RUNDC3B: variants seen among roughly 807,000 people sequenced by gnomAD.
The protein encoded by RUNDC3B is RUN domain-containing protein 3B.
In RUNDC3B, 33 loss-of-function variants were observed where a neutral mutation model predicts 58.4. The observed-to-expected ratio is 0.56, with a 90% CI of 0.43 to 0.75. The LOEUF is 0.75. Ranked by LOEUF, RUNDC3B falls within the 30% of genes least tolerant of loss-of-function variation. The probability of loss-of-function intolerance (pLI) is 0.00; values close to 1 mark genes in which losing one functional copy is unlikely to be tolerated. For synonymous variants in RUNDC3B, 193 were observed against 195.2 expected (o/e 0.99, Z 0.10); for missense variants, 501 against 535.7 (o/e 0.94, Z 0.64).
intron 10 of RUNDC3B, among the ~76,000 whole-genome samples, chr7:87,822,202 A>C (rs969282750): frequency 1.1e-4 from 16 of 152,222 alleles, no homozygotes; most frequent in African/African-American, 3.9e-4. Flanking sequence ...CAAGAAAAAA[A>C]CAACCCCATC....
chr7:87,692,263 C>A (rs979176445), intron 2 of RUNDC3B, among the ~76,000 whole-genome samples: 1 of 152,040 alleles, frequency 6.6e-6, no homozygotes, highest in African/African-American at 2.4e-5. Flanking sequence ...CCAGCCTGAG[C>A]AACATAGCAA....
chr7:87,820,248 T>G (rs1055493759), intron 10 of RUNDC3B, among the ~76,000 whole-genome samples: 4 of 152,152 alleles, frequency 2.6e-5, no homozygotes, highest in Non-Finnish European at 4.4e-5. Flanking sequence ...CATCAGAGAA[T>G]ACTACAAACA....
chr7:87,816,286 A>C (rs759016618), intron 10 of RUNDC3B, 24 bp downstream of exon 10: 2 of 1,591,460 alleles, frequency 1.3e-6, no homozygotes, highest in East Asian at 2.2e-5. Context: ...GAACTATTTG[A>C]AAATTACTCT....
intron 8 of RUNDC3B, among the ~76,000 whole-genome samples, chr7:87,800,249 C>T (rs1026185095): frequency 6.6e-6 from 1 of 152,108 alleles, no homozygotes; most frequent in Non-Finnish European, 1.5e-5. Context: ...GAGAGGATAA[C>T]CTTCAAGCCT....
intron 8 of RUNDC3B, among the ~76,000 whole-genome samples, chr7:87,780,399 A>G (rs894230685): frequency 6.6e-6 from 1 of 152,004 alleles, no homozygotes; most frequent in East Asian, 1.9e-4. Context: ...GGTTGCTTGT[A>G]TGTCTTCTTT....
intron 4 of RUNDC3B, among the ~76,000 whole-genome samples, chr7:87,726,082 G>C (rs1831213087): frequency 0.011 from 2 of 178 alleles, no homozygotes; most frequent in Non-Finnish European, 0.021. Flanking sequence ...CTGTGCAGAA[G>C]CTCTTTAGTT....
intron 10 of RUNDC3B, among the ~76,000 whole-genome samples, chr7:87,828,525 C>A (rs143349419): frequency 6.6e-6 from 1 of 152,298 alleles, no homozygotes; most frequent in African/African-American, 2.4e-5. Flanking sequence ...CCTCTAGTTT[C>A]ATCCATGTTG....
chr7:87,699,226 G>GA (rs1336302532), intron 2 of RUNDC3B, among the ~76,000 whole-genome samples: 3 of 151,868 alleles, frequency 2.0e-5, no homozygotes, highest in Non-Finnish European at 4.4e-5. Flanking sequence ...AAATCATGAT[G>GA]AAAAAAGCAC....
At chr7:87,670,911 G>T (rs978600851) in intron 2 of RUNDC3B, among the ~76,000 whole-genome samples, 1 of 152,182 alleles carries the variant, frequency 6.6e-6, no homozygotes, top group African/African-American at 2.4e-5. Flanking sequence ...CCCCTTGAAT[G>T]CTGGCTGTAG....
chr7:87,793,412 T>G (rs571970052), intron 8 of RUNDC3B, among the ~76,000 whole-genome samples: 1 of 152,256 alleles, frequency 6.6e-6, no homozygotes, highest in African/African-American at 2.4e-5. Context: ...AGAACATTGA[T>G]GCAGAAATCC....
At chr7:87,630,340 T>C (rs1821090162) in intron 1 of RUNDC3B, among the ~76,000 whole-genome samples, 1 of 152,258 alleles carries the variant, frequency 6.6e-6, no homozygotes, top group Non-Finnish European at 1.5e-5. Flanking sequence ...ACCTTCTTCA[T>C]TGACTGTATT....
intron 2 of RUNDC3B, among the ~76,000 whole-genome samples, chr7:87,669,627 A>G (rs1381463549): frequency 1.3e-5 from 2 of 152,076 alleles, no homozygotes; most frequent in Non-Finnish European, 2.9e-5. Context: ...TCCTTTCTAT[A>G]TAGTGCTCCT....
At position 87,628,807 on chromosome 7, in the gene RUNDC3B, A is replaced by T; in HGVS notation, c.-17A>T. The T allele has an allele frequency of 8.1e-7, 1 of 1,230,230 alleles. No individual in the cohort carries two copies. Among genetic ancestry groups the T allele is most frequent in the Non-Finnish European group, 1.0e-6 (1 of 971,968 alleles). The allele number at this position is 1,230,230 out of a possible 1,614,324, so 76.2% of individuals were successfully genotyped here. A position where few individuals can be genotyped will look rare whatever the true frequency, so the allele number is the denominator to read the frequency against. On this transcript the variant is annotated 5_prime_UTR_variant, in exon 1 of 11. Transcript: ENST00000394654. ...CGGGGTGGCACGAGACAAAAGGGGC[A>T]CGGGGGTAAGCCCGCCATGGCCTCC...
chr7:87,661,108 T>C (rs1824662989), intron 2 of RUNDC3B, among the ~76,000 whole-genome samples: 1 of 151,976 alleles, frequency 6.6e-6, no homozygotes, highest in South Asian at 2.1e-4. Flanking sequence ...TTCTGATAGA[T>C]TACATTTTTA....
chr7:87,752,086 C>T (rs58726332), intron 6 of RUNDC3B, among the ~76,000 whole-genome samples: 6 of 152,060 alleles, frequency 3.9e-5, no homozygotes, highest in Middle Eastern at 3.4e-3. Flanking sequence ...TAGCATGAAG[C>T]GTTGTTGAAT....
intron 2 of RUNDC3B, among the ~76,000 whole-genome samples, chr7:87,673,613 G>A (rs899971055): frequency 4.6e-5 from 7 of 152,070 alleles, no homozygotes; most frequent in African/African-American, 7.2e-5. Context: ...TTCTGTATCC[G>A]TTTGTCATAT....
At chr7:87,768,085 G>A (rs900740320) in intron 6 of RUNDC3B, among the ~76,000 whole-genome samples, 3 of 152,170 alleles carry the variant, frequency 2.0e-5, no homozygotes, top group Admixed American at 2.0e-4. Context: ...AAGCCCAGGT[G>A]ATAGGCACAC....
At chr7:87,646,783 G>T (rs547509994) in intron 1 of RUNDC3B, among the ~76,000 whole-genome samples, 2 of 152,140 alleles carry the variant, frequency 1.3e-5, no homozygotes, top group Admixed American at 1.3e-4. Flanking sequence ...TGAGATGGAC[G>T]TAGGAAATAA....
At chr7:87,745,531 A>G (rs1832597298) in intron 6 of RUNDC3B, among the ~76,000 whole-genome samples, 1 of 152,086 alleles carries the variant, frequency 6.6e-6, no homozygotes, top group Admixed American at 6.6e-5. Context: ...TCTTCCTGAA[A>G]TAAGCTAGGA....
Sources: allele counts gnomAD v4.1 joint callset (sites outside exome capture counted in the v4.1 genomes callset), GRCh38; gene constraint gnomAD v4.1.1; transcripts MANE v1.5; gene names NCBI Gene and HGNC (gene_info 2026-07-23, HGNC 2026-07-21).